The following PREX2 variants were observed in gnomAD, a reference collection of about 807,000 sequenced individuals.
PREX2 encodes the protein phosphatidylinositol-3,4,5-trisphosphate dependent Rac exchange factor 2.
Under a neutral mutation model 203.2 loss-of-function variants are expected in PREX2, and 107 were observed. That is an observed-to-expected ratio of 0.53 (90% CI 0.45 to 0.62). The LOEUF (loss-of-function observed/expected upper bound fraction) is 0.62. Among genes scored for constraint, PREX2 ranks in the 20% least tolerant of loss-of-function variants. The pLI, the probability that PREX2 is intolerant of heterozygous loss-of-function variation, is 0.00. For synonymous variants in PREX2, 672 were observed against 663.6 expected (o/e 1.01, Z -0.19); for missense variants, 1,777 against 1,955.9 (o/e 0.91, Z 1.72).
chr8:68,205,398 C>T (rs1159317973), intron 37 of PREX2, among the ~76,000 whole-genome samples: 3 of 152,198 alleles, frequency 2.0e-5, no homozygotes, highest in Non-Finnish European at 4.4e-5. Context: ...TTCACATTCT[C>T]ACTGACTTGT....
intron 1 of PREX2, among the ~76,000 whole-genome samples, chr8:67,964,963 A>G (rs548405071): frequency 6.6e-6 from 1 of 152,192 alleles, no homozygotes; most frequent in South Asian, 2.1e-4. Flanking sequence ...ACTCTTCTGG[A>G]TTGTGGGAAT....
chr8:68,027,757 A>G (rs1255002758), intron 5 of PREX2, among the ~76,000 whole-genome samples: 1 of 152,108 alleles, frequency 6.6e-6, no homozygotes, highest in Admixed American at 6.6e-5. Context: ...CTAGGATTTA[A>G]AATTATTATT....
intron 23 of PREX2, chr8:68,105,782 T>C (rs1810394591): frequency 1.2e-5 from 2 of 171,424 alleles, no homozygotes; most frequent in Non-Finnish European, 2.3e-5. Context: ...GGTGGTCCCA[T>C]AAGATTATAC....
chr8:68,198,537 G>A (rs186664160), intron 37 of PREX2, among the ~76,000 whole-genome samples: 3 of 151,942 alleles, frequency 2.0e-5, no homozygotes, highest in African/African-American at 7.2e-5. Context: ...AATTTGTTTT[G>A]GTTCTTTATT....
At chr8:68,091,524 G>GC (rs1809873013) in intron 20 of PREX2, among the ~76,000 whole-genome samples, 1 of 152,176 alleles carries the variant, frequency 6.6e-6, no homozygotes, top group African/African-American at 2.4e-5. Flanking sequence ...CCTGGAAGAT[G>GC]AATGGCCATT....
At chr8:68,215,827 G>A (rs527993935) in intron 37 of PREX2, among the ~76,000 whole-genome samples, 17 of 152,192 alleles carry the variant, frequency 1.1e-4, no homozygotes, top group Admixed American at 7.2e-4. Context: ...GTGAGCCACC[G>A]TGCCCGGCTG....
chr8:68,195,478 A>G (rs1812376376), intron 37 of PREX2, among the ~76,000 whole-genome samples: 1 of 152,218 alleles, frequency 6.6e-6, no homozygotes, highest in Non-Finnish European at 1.5e-5. Context: ...GGAATGTAAA[A>G]TACTCTTTAA....
At chr8:68,023,569 C>T (rs1291356475) in intron 4 of PREX2, among the ~76,000 whole-genome samples, 2 of 151,976 alleles carry the variant, frequency 1.3e-5, no homozygotes, top group African/African-American at 4.8e-5. Flanking sequence ...TGTTGTTTGT[C>T]TGTTCATTTT....
intron 37 of PREX2, among the ~76,000 whole-genome samples, chr8:68,198,466 C>T (rs1027698876): frequency 5.9e-5 from 9 of 152,150 alleles, no homozygotes; most frequent in African/African-American, 1.4e-4. Flanking sequence ...AGCTTGCTAC[C>T]GGGATTTCTA....
At chr8:68,156,446 G>A (rs1274858450) in intron 34 of PREX2, among the ~76,000 whole-genome samples, 1 of 152,208 alleles carries the variant, frequency 6.6e-6, no homozygotes, top group African/African-American at 2.4e-5. Flanking sequence ...TAATAGACGT[G>A]TGTGTATAAA....
At chr8:67,954,457 T>G (rs1805436663) in intron 1 of PREX2, among the ~76,000 whole-genome samples, 1 of 152,234 alleles carries the variant, frequency 6.6e-6, no homozygotes, top group Non-Finnish European at 1.5e-5. Context: ...TACCTGAAGT[T>G]GATGTAGTCA....
intron 35 of PREX2, among the ~76,000 whole-genome samples, chr8:68,178,269 T>G (rs748792139): frequency 3.9e-5 from 6 of 152,166 alleles, no homozygotes; most frequent in African/African-American, 1.4e-4. Context: ...CCTTTTTCTC[T>G]GCAACCTCGT....
In PREX2 at chr8:68,134,222, G is replaced by C; in HGVS notation, c.3930G>C (p.Gln1310His). The change falls in exon 32 of 40, where the codon CAG becomes CAC. Residue 1310 changes from glutamine (Q) to histidine (H), a missense_variant. Physicochemically the swap from Gln to His is conservative, Grantham distance 24. Coordinates refer to ENST00000288368, the MANE Select transcript of PREX2 (RefSeq NM_024870.4). ...TWEASRRWLD[Q>H]IANAGVLFHF... Reference sequence around the variant, plus strand: ...AAGCCAGCAGGAGGTGGCTGGACCAGATAGCGAATGCAGGTGTTCTTTTTC... The same window carrying C: ...AAGCCAGCAGGAGGTGGCTGGACCACATAGCGAATGCAGGTGTTCTTTTTC... 2 of 1,614,164 alleles carry C rather than the reference G, an allele frequency of 1.2e-6. No individual in the cohort carries two copies. Among genetic ancestry groups the C allele is most frequent in the Non-Finnish European group, 1.7e-6 (2 of 1,180,008 alleles).
intron 20 of PREX2, among the ~76,000 whole-genome samples, chr8:68,091,926 C>T (rs1350480991): frequency 6.6e-6 from 1 of 152,134 alleles, no homozygotes; most frequent in Non-Finnish European, 1.5e-5. Context: ...ACAAAATAGA[C>T]CACTGCAAAA....
At chr8:68,046,770 G>T (rs958999621) in intron 8 of PREX2, among the ~76,000 whole-genome samples, 2 of 151,928 alleles carry the variant, frequency 1.3e-5, no homozygotes, top group Non-Finnish European at 2.9e-5. Flanking sequence ...CATGTAGCAG[G>T]AATTTGGCTG....
rs1809585173 is a variant in PREX2, at chr8:68,083,249, A to G, written c.1888A>G (p.Met630Val). The change falls in exon 18 of 40, where the codon ATG becomes GTG. Residue 630 changes from methionine to valine, a missense_variant. Transcript: ENST00000288368. ...EKGSNAEMAG[M>V]EVGKKIFAIN... Reference sequence around the variant, plus strand: ...GTAATTTCTCTCTTAGATGGCTGGCATGGAAGTCGGGAAAAAGATTTTTGC... The same window carrying G: ...GTAATTTCTCTCTTAGATGGCTGGCGTGGAAGTCGGGAAAAAGATTTTTGC... 1 of 1,591,062 alleles carries G rather than the reference A, an allele frequency of 6.3e-7. No homozygotes were observed. The highest frequency in any genetic ancestry group is 1.1e-5 in the South Asian group (1 of 87,564).
At chr8:68,090,344 T>G (rs917278409) in intron 19 of PREX2, among the ~76,000 whole-genome samples, 12 of 152,180 alleles carry the variant, frequency 7.9e-5, no homozygotes, top group Middle Eastern at 3.2e-3. Flanking sequence ...CTTTGCAACA[T>G]CCCTTCAAAC....
intron 14 of PREX2, among the ~76,000 whole-genome samples, chr8:68,075,467 C>T (rs1309469212): frequency 6.6e-6 from 1 of 152,180 alleles, no homozygotes; most frequent in Non-Finnish European, 1.5e-5. Context: ...GCTGCAGCGT[C>T]ATCACCCCCA....
intron 35 of PREX2, among the ~76,000 whole-genome samples, chr8:68,174,095 C>A (rs1174526274): frequency 2.0e-5 from 3 of 152,030 alleles, no homozygotes; most frequent in Admixed American, 2.0e-4. Context: ...TGATTTTTTT[C>A]CTATTGCTTT....
Sources: allele counts gnomAD v4.1 joint callset (sites outside exome capture counted in the v4.1 genomes callset), GRCh38; gene constraint gnomAD v4.1.1; transcripts MANE v1.5; gene names NCBI Gene and HGNC (gene_info 2026-07-23, HGNC 2026-07-21).